The following PARVB variants were observed in gnomAD, a reference collection of about 807,000 sequenced individuals.
PARVB encodes beta-parvin.
In PARVB, 46 loss-of-function variants were observed where a neutral mutation model predicts 47.0. The observed-to-expected ratio is 0.98, with a 90% CI of 0.77 to 1.25. The LOEUF is 1.25. Ranked by LOEUF, PARVB falls within the 50% of genes most tolerant of loss-of-function variation. The pLI, the probability that PARVB is intolerant of heterozygous loss-of-function variation, is 0.00. For missense variants in PARVB, 473 were observed against 471.6 expected (o/e 1.00, Z -0.03); for synonymous variants, 196 against 196.3 (o/e 1.00, Z 0.01).
At chr22:44,018,021 C>T (rs2146863774) in intron 2 of PARVB, among the ~76,000 whole-genome samples, 1 of 152,294 alleles carries the variant, frequency 6.6e-6, no homozygotes, top group African/African-American at 2.4e-5. Flanking sequence ...GAGACCCCTG[C>T]CCTAGATGAC....
chr22:44,110,392 C>T (rs1006091332), intron 3 of PARVB: 1 of 152,086 alleles, frequency 6.6e-6, no homozygotes, highest in African/African-American at 2.4e-5. Flanking sequence ...TATCAGTTGA[C>T]TGTGACTTGA....
chr22:44,026,437 A>G (rs959673334), intron 1 of PARVB: 4 of 732,640 alleles, frequency 5.5e-6, no homozygotes, highest in African/African-American at 1.9e-5. Context: ...AGAGGGCCAC[A>G]AACCCTCCTT....
At chr22:44,107,365 C>A (rs1253553962) in intron 3 of PARVB, 3 of 152,202 alleles carry the variant, frequency 2.0e-5, no homozygotes, top group Non-Finnish European at 4.4e-5. Context: ...CTTATGCTTT[C>A]CAGAATGAAT....
chr22:44,150,220 G>C lies in PARVB; in HGVS notation c.775-1263G>C, dbSNP rs1049038525. 2.0e-5 allele frequency: 3 copies of C among 152,144 alleles called. No homozygotes were observed. In the East Asian group the frequency reaches 5.8e-4, roughly 29 times the overall value. 9.4% of individuals were successfully genotyped at this position (152,144 alleles called of 1,614,324 possible). On this transcript the variant is annotated intron_variant, in intron 9 of 12. Transcript: ENST00000338758. Reference sequence around the variant, plus strand: ...ACAAAGAAATCATGTCATGGGCAGTGGTGGATGATATTGAGTTTCTATCAA... The same window carrying C: ...ACAAAGAAATCATGTCATGGGCAGTCGTGGATGATATTGAGTTTCTATCAA...
chr22:44,048,281 T>C (rs2051149376), intron 1 of PARVB, among the ~76,000 whole-genome samples: 1 of 152,230 alleles, frequency 6.6e-6, no homozygotes, highest in African/African-American at 2.4e-5. Flanking sequence ...ATTTCTGTAA[T>C]TGAAATAATT....
In PARVB at chr22:44,131,638, C is replaced by T. The variant is rs368007872; in HGVS notation, c.517+11C>T. 9.5e-5 allele frequency: 152 copies of T among 1,605,598 alleles called. No individual in the cohort carries two copies. In the Middle Eastern group the frequency reaches 2.0e-3, roughly 21 times the overall value. ...GGTGGAGCGTGGACTGTGAGTTCCACGCCACAGGGGGAGGGACTGTCTGGA... is the reference window on the plus strand; with the variant it reads ...GGTGGAGCGTGGACTGTGAGTTCCATGCCACAGGGGGAGGGACTGTCTGGA... On this transcript the variant is annotated intron_variant, in intron 5 of 12. Coordinates refer to ENST00000338758, the MANE Select transcript of PARVB (RefSeq NM_013327.5).
At chr22:44,088,733 G>A (rs1191492534) in intron 1 of PARVB, among the ~76,000 whole-genome samples, 2 of 152,112 alleles carry the variant, frequency 1.3e-5, no homozygotes, top group Non-Finnish European at 1.5e-5. Context: ...TGGCCTCCCA[G>A]AGTGCTGGAA....
chr22:44,156,082 A>AGAGGTTGCTGTGAGCC (rs1569160077), intron 10 of PARVB, among the ~76,000 whole-genome samples: 1 of 151,890 alleles, frequency 6.6e-6, no homozygotes, highest in Non-Finnish European at 1.5e-5. Context: ...CCCAGGAGGC[A>AGAGGTTGCTGTGAGCC]GAGGTTGCTG....
chr22:44,133,238 G>A (rs2053369161), intron 6 of PARVB, among the ~76,000 whole-genome samples: 1 of 152,132 alleles, frequency 6.6e-6, no homozygotes, highest in Non-Finnish European at 1.5e-5. Flanking sequence ...GGGTGTTGAG[G>A]TTTAATTTTC....
At chr22:44,159,531 T>C (rs1158620705) in intron 11 of PARVB, among the ~76,000 whole-genome samples, 1 of 152,172 alleles carries the variant, frequency 6.6e-6, no homozygotes, top group Non-Finnish European at 1.5e-5. Flanking sequence ...CAGCACACCA[T>C]TCATCCTGTT....
In PARVB at chr22:44,125,381, T is replaced by C. The variant is rs1038984998; in HGVS notation, c.377-6106T>C. ...GTGAAGAAAGAGAAGTATTATGGGG[T>C]GGAGTGGTTCAACCTGAAACCTAGA... On this transcript the variant is annotated intron_variant, in intron 4 of 12. Transcript: ENST00000338758. This position sits in a 1 kb window ranked among gnomAD's most constrained non-coding sequence, Gnocchi z 4.1. 6.6e-6 allele frequency among the ~76,000 whole-genome samples: 1 copy of C among 151,780 alleles called. No individual in the cohort carries two copies. The highest frequency in any genetic ancestry group is 1.5e-5 in the Non-Finnish European group (1 of 67,970).
intron 6 of PARVB, among the ~76,000 whole-genome samples, chr22:44,136,245 G>T (rs554774561): frequency 2.6e-4 from 40 of 152,258 alleles, no homozygotes; most frequent in African/African-American, 9.4e-4. Context: ...TGGGGAGGAG[G>T]ATAGGGACAG....
At chr22:44,119,875 G>A (rs796780034) in intron 4 of PARVB, 12 of 528,906 alleles carry the variant, frequency 2.3e-5, no homozygotes, top group Admixed American at 5.9e-5. Flanking sequence ...GGGGTGGGGC[G>A]GCCTTGCAGC....
At chr22:44,134,417 G>A (rs2053397739) in intron 6 of PARVB, among the ~76,000 whole-genome samples, 1 of 152,212 alleles carries the variant, frequency 6.6e-6, no homozygotes. Flanking sequence ...TCAGCTCGGG[G>A]CCCCAGGAGC....
chr22:44,162,086 G>A (rs1330229413), intron 11 of PARVB, among the ~76,000 whole-genome samples: 1 of 152,250 alleles, frequency 6.6e-6, no homozygotes, highest in Non-Finnish European at 1.5e-5. Context: ...CCCTCTTGCG[G>A]TTGGTGCTGG....
intron 1 of PARVB, among the ~76,000 whole-genome samples, chr22:44,084,837 A>G (rs1446688442): frequency 6.6e-6 from 1 of 152,136 alleles, no homozygotes; most frequent in African/African-American, 2.4e-5. Flanking sequence ...TCCCTGTAGA[A>G]TTGGCTGCCA....
intron 1 of PARVB, among the ~76,000 whole-genome samples, chr22:44,063,563 C>T (rs903849865): frequency 1.3e-5 from 2 of 152,082 alleles, no homozygotes; most frequent in African/African-American, 2.4e-5. Flanking sequence ...CAAGCACTTG[C>T]GGTGTGTCCT....
chr22:44,090,490 T>C (rs896168537), intron 1 of PARVB, among the ~76,000 whole-genome samples: 5 of 152,210 alleles, frequency 3.3e-5, no homozygotes, highest in Admixed American at 2.6e-4. Flanking sequence ...GAAATCTCTG[T>C]TTTGATATGA....
intron 6 of PARVB, 119 bp from the exon 7 acceptor site, chr22:44,136,341 C>A: frequency 1.1e-6 from 1 of 882,836 alleles, no homozygotes; most frequent in South Asian, 1.4e-5. Context: ...ACCACCCCTC[C>A]TTCTCCTGTT....
Sources: allele counts gnomAD v4.1 joint callset (sites outside exome capture counted in the v4.1 genomes callset), GRCh38; gene constraint gnomAD v4.1.1; non-coding constraint Gnocchi (gnomAD v3.1); transcripts MANE v1.5; gene names NCBI Gene and HGNC (gene_info 2026-07-23, HGNC 2026-07-21).